Variants in SRR observed in about 807,000 individuals in gnomAD.
The protein encoded by SRR is D-serine ammonia-lyase.
A neutral mutation model predicts 32.7 loss-of-function variants in SRR; 19 were observed. The observed-to-expected ratio is 0.58, with a 90% CI of 0.40 to 0.85. The LOEUF (loss-of-function observed/expected upper bound fraction) is 0.85. Ranked by LOEUF, SRR falls within the 40% of genes least tolerant of loss-of-function variation. The pLI, the probability that SRR is intolerant of heterozygous loss-of-function variation, is 0.00. For synonymous variants in SRR, 142 were observed against 140.9 expected (o/e 1.01, Z -0.06); for missense variants, 373 against 404.7 (o/e 0.92, Z 0.67).
upstream of SRR, chr17:2,303,421 T>TCTCCCGGAGCTGGCCAGGACTGGCC (rs2075332690): frequency 2.4e-6 from 3 of 1,257,506 alleles, no homozygotes. Context: ...CGGGCCAGGC[T>TCTCCCGGAGCTGGCCAGGACTGGCC]CTCCCGGAGC....
chr17:2,304,401 G>A (rs569064378), intron 1 of SRR, among the ~76,000 whole-genome samples: 31 of 149,532 alleles, frequency 2.1e-4, no homozygotes, highest in African/African-American at 7.4e-4. Flanking sequence ...ACAGGTGCAC[G>A]CCACCAAGCC....
In SRR at chr17:2,324,521, T is replaced by C. The variant is rs373774296; in HGVS notation, c.*648T>C. On this transcript the variant is annotated 3_prime_UTR_variant, in exon 8 of 8. Coordinates refer to ENST00000344595, the MANE Select transcript of SRR (RefSeq NM_021947.3). ...TTCCTTACCTAAAGGTTCCTTGATA[T>C]GTCCTCTCCGGCCCCACTTCGTTCT... 2.4e-5 allele frequency: 38 copies of C among 1,614,118 alleles called. No individual in the cohort carries two copies. In the Middle Eastern group the frequency reaches 6.6e-4, roughly 28 times the overall value.
Position 2,318,899 on chromosome 17 carries a change from G to C in SRR, c.369G>C (p.Ala123=), listed in dbSNP as rs199981539. 6.2e-7 allele frequency: 1 copy of C among 1,613,482 alleles called. No individual in the cohort carries two copies. The highest frequency in any genetic ancestry group is 1.1e-5 in the South Asian group (1 of 91,078). The change falls in exon 4 of 8, where the codon GCG becomes GCC. Residue 123 remains alanine (A), a synonymous_variant. Coordinates refer to ENST00000344595, the MANE Select transcript of SRR (RefSeq NM_021947.3). ...AACTTGCAATACAAGCCTACGGAGC[G>C]TCAATTGTATACTGTGAACCTAGTG... ...CKKLAIQAYG[A]SIVYCEPSDE...
chr17:2,303,389 A>T, upstream of SRR: 1 of 1,238,802 alleles, frequency 8.1e-7, no homozygotes, highest in Non-Finnish European at 1.0e-6. Context: ...TCGCGGCGAG[A>T]AAGAGGGTGG....
chr17:2,322,993 G>C, intron 6 of SRR, 143 bp from the exon 7 acceptor site: 1 of 756,978 alleles, frequency 1.3e-6, no homozygotes, highest in Middle Eastern at 3.9e-4. Context: ...TTGAACTCCT[G>C]ACCTCAGCTG....
In SRR at chr17:2,324,655, G is replaced by C; in HGVS notation, c.*782G>C. Reference sequence around the variant, plus strand: ...TAAACCCAACCTTTATACCACAAAGGCAATCAGATCCCATCCTCCTCCTTC... The same window carrying C: ...TAAACCCAACCTTTATACCACAAAGCCAATCAGATCCCATCCTCCTCCTTC... On this transcript the variant is annotated 3_prime_UTR_variant, in exon 8 of 8. Coordinates refer to ENST00000344595, the MANE Select transcript of SRR (RefSeq NM_021947.3). 6.2e-7 allele frequency: 1 copy of C among 1,613,898 alleles called. No homozygotes were observed.
At chr17:2,310,975 T>C (rs2151430262) in intron 1 of SRR, among the ~76,000 whole-genome samples, 1 of 152,022 alleles carries the variant, frequency 6.6e-6, no homozygotes, top group Admixed American at 6.6e-5. Flanking sequence ...CTCGATCTCC[T>C]GACCTTGTGA....
Position 2,323,365 on chromosome 17 carries a change from A to C in SRR, c.804+20A>C. ...ATTAAGGTGAGGCTCCAGCAAGAAA[A>C]GAAATAGCAAAGCATGGTGTAACTT... On this transcript the variant is annotated intron_variant, in intron 7 of 7. Coordinates refer to ENST00000344595, the MANE Select transcript of SRR (RefSeq NM_021947.3). 6.2e-6 allele frequency: 10 copies of C among 1,613,526 alleles called. No individual in the cohort carries two copies. In the South Asian group the frequency reaches 1.1e-4, roughly 18 times the overall value.
At chr17:2,303,477 G>T, upstream of SRR, 1 of 1,327,346 alleles carries the variant, frequency 7.5e-7, no homozygotes, top group Non-Finnish European at 9.6e-7. Flanking sequence ...CCGCGAGAGA[G>T]GTAGGGCAGC....
Position 2,324,747 on chromosome 17 carries a change from A to C in SRR, c.*874A>C, listed in dbSNP as rs2075564521. 2 of 1,614,246 alleles carry C rather than the reference A, an allele frequency of 1.2e-6. No homozygotes were observed. The highest frequency in any genetic ancestry group is 2.7e-5 in the African/African-American group (2 of 75,078). ...TCTTAGTAAAAATTTTGAAAGGATG[A>C]CCACTCAGAACAACTCTCTTGATGA... On this transcript the variant is annotated 3_prime_UTR_variant, in exon 8 of 8. Transcript: ENST00000344595.
In SRR at chr17:2,315,745, TCA is replaced by T; in HGVS notation, c.168+18_168+19del. 2 of 1,609,722 alleles carry T rather than the reference TCA, an allele frequency of 1.2e-6. No individual in the cohort carries two copies. The highest frequency in any genetic ancestry group is 1.7e-6 in the Non-Finnish European group (2 of 1,176,772). On this transcript the variant is annotated intron_variant, in intron 2 of 7. Transcript: ENST00000344595. Reference sequence around the variant, plus strand: ...TCTTTTAAGGTAACAATCCTTTTTCTCAGTGTATCATGTATGTTTTCACACCC... The same window carrying T: ...TCTTTTAAGGTAACAATCCTTTTTCTGTGTATCATGTATGTTTTCACACCC...
chr17:2,307,157 T>C (rs988737233), intron 1 of SRR: 8 of 1,328,228 alleles, frequency 6.0e-6, no homozygotes, highest in Non-Finnish European at 7.5e-6. Flanking sequence ...AAAACTGAAG[T>C]GATTGAAATC....
At chr17:2,303,763 G>T, upstream of SRR, 1 of 1,466,658 alleles carries the variant, frequency 6.8e-7, no homozygotes, top group Non-Finnish European at 9.0e-7. Flanking sequence ...CGCCACCGCC[G>T]CGCGCAGCCA....
At chr17:2,304,989 C>T (rs1217571671) in intron 1 of SRR, among the ~76,000 whole-genome samples, 1 of 152,162 alleles carries the variant, frequency 6.6e-6, no homozygotes, top group Non-Finnish European at 1.5e-5. Flanking sequence ...TAGGCTTTTA[C>T]CCCACACCCA....
Position 2,323,910 on chromosome 17 carries a change from T to A in SRR, c.*37T>A, listed in dbSNP as rs756025561. 1.3e-6 allele frequency: 2 copies of A among 1,546,078 alleles called. No homozygotes were observed. The highest frequency in any genetic ancestry group is 1.8e-6 in the Non-Finnish European group (2 of 1,120,858). On this transcript the variant is annotated 3_prime_UTR_variant, in exon 8 of 8. Coordinates refer to ENST00000344595, the MANE Select transcript of SRR (RefSeq NM_021947.3). The stretch of plus-strand genomic sequence containing the variant: ...GGAAATGGTGGGAATTCAGTGTCTT[T>A]AGATACTGAAGACATTTTGTTTCCT...
At chr17:2,307,509 G>T (rs1193678232) in intron 1 of SRR, 4 of 1,385,622 alleles carry the variant, frequency 2.9e-6, no homozygotes, top group Non-Finnish European at 4.0e-6. Flanking sequence ...TGGTAATGAT[G>T]GAAGCAATTT....
rs185382074 is a variant in SRR at position 2,321,294 on chromosome 17, A to G, written c.400-12A>G. On this transcript the variant is annotated splice_polypyrimidine_tract_variant and intron_variant, in intron 4 of 7. Coordinates refer to ENST00000344595, the MANE Select transcript of SRR (RefSeq NM_021947.3). ...AATACAAATCAATTAAGCTAAATTA[A>G]TGTACTTTCAGTCCAGAGAAAATGT... 1.4e-3 allele frequency: 2,242 copies of G among 1,613,152 alleles called. 13 individuals are homozygous for G. In the African/African-American group the frequency reaches 0.018, roughly 13 times the overall value.
At chr17:2,303,755 C>T, upstream of SRR, 1 of 1,475,392 alleles carries the variant, frequency 6.8e-7, no homozygotes, top group Non-Finnish European at 9.0e-7. Flanking sequence ...AGCGGCTCCG[C>T]CACCGCCGCG....
chr17:2,318,809 T>C lies in SRR; in HGVS notation c.296-17T>C. The C allele has an allele frequency of 6.3e-7, 1 of 1,596,706 alleles. No homozygotes were observed. The highest frequency in any genetic ancestry group is 1.7e-4 in the Middle Eastern group (1 of 6,026). Reference sequence around the variant, plus strand: ...TCTAAATTCTCCTGACTTTTTCCTCTCGTTTTCCTCTCCCAGGAATTCCTG... The same window carrying C: ...TCTAAATTCTCCTGACTTTTTCCTCCCGTTTTCCTCTCCCAGGAATTCCTG... On this transcript the variant is annotated splice_polypyrimidine_tract_variant and intron_variant, in intron 3 of 7. Transcript: ENST00000344595.
Sources: allele counts gnomAD v4.1 joint callset (sites outside exome capture counted in the v4.1 genomes callset), GRCh38; gene constraint gnomAD v4.1.1; transcripts MANE v1.5; gene names NCBI Gene and HGNC (gene_info 2026-07-23, HGNC 2026-07-21).